The following ARHGAP36 variants were observed in gnomAD, a reference collection of about 807,000 sequenced individuals.
ARHGAP36 encodes rho GTPase-activating protein 36.
A neutral mutation model predicts 32.9 loss-of-function variants in ARHGAP36; 7 were observed. That is an observed-to-expected ratio of 0.21 (90% CI 0.12 to 0.40). The LOEUF (loss-of-function observed/expected upper bound fraction) is 0.40, where lower values mean the gene tolerates loss of function less well. Ranked by LOEUF, ARHGAP36 falls within the 10% of genes least tolerant of loss-of-function variation. The pLI is 1.00. For missense variants in ARHGAP36, 383 were observed against 442.2 expected, an observed-to-expected ratio of 0.87 and a Z score of 1.20; for synonymous variants, 165 against 168.3, an observed-to-expected ratio of 0.98 and a Z score of 0.15.
Position 131,088,988 on chromosome X carries a change from G to A in ARHGAP36, c.*203G>A, listed in dbSNP as rs1338747401. The A allele has an allele frequency of 2.6e-5, 13 of 506,706 alleles. No individual in the cohort carries two copies. The highest frequency in any genetic ancestry group is 2.9e-5 in the Non-Finnish European group (10 of 339,704). 41.8% of individuals were successfully genotyped at this position (506,706 alleles called of 1,213,427 possible). A position where few individuals can be genotyped will look rare whatever the true frequency, so the allele number is the denominator to read the frequency against. On this transcript the variant is annotated 3_prime_UTR_variant, in exon 12 of 12. Transcript: ENST00000276211. ...TGCTTGGTCTCTTCTGCTGGTAAAA[G>A]CAGAGATGTTTCTGTGTCATGCCCA... is the stretch of plus-strand genomic sequence containing the variant.
rs72142237 is a variant in ARHGAP36, at chrX:131,077,764, CATATATATATAT to C, written c.-142-3729_-142-3718del. Among the ~76,000 whole-genome samples the C allele has an allele frequency of 6.0e-3, 519 of 87,003 alleles. 13 individuals carry two copies. In the East Asian group the frequency reaches 0.092, roughly 15 times the overall value. 75.6% of individuals were successfully genotyped at this position (87,003 alleles called of 115,157 possible). A position where few individuals can be genotyped will look rare whatever the true frequency, so the allele number is the denominator to read the frequency against. On this transcript the variant is annotated intron_variant, in intron 1 of 11. Transcript: ENST00000276211. Reference sequence around the variant, plus strand: ...GCCCCTTTACTTATCCAAATAAAATCATATATATATATATATATATATATATATATATATATA... The same window carrying C: ...GCCCCTTTACTTATCCAAATAAAATCATATATATATATATATATATATATA...
intron 1 of ARHGAP36, among the ~76,000 whole-genome samples, chrX:131,069,590 G>T (rs1045198044): frequency 1.0e-3 from 117 of 111,828 alleles, no homozygotes; most frequent in Middle Eastern, 4.7e-3. Context: ...TCTGGCAGGG[G>T]GGACATGGCC....
intron 1 of ARHGAP36, among the ~76,000 whole-genome samples, chrX:131,077,294 A>T (rs2079767586): frequency 8.9e-6 from 1 of 112,226 alleles, no homozygotes; most frequent in Admixed American, 9.4e-5. Context: ...ACCCAGCCCC[A>T]TTCACTATCA....
intron 1 of ARHGAP36, among the ~76,000 whole-genome samples, chrX:131,065,349 G>C (rs1240983819): frequency 9.0e-6 from 1 of 111,662 alleles, no homozygotes; most frequent in African/African-American, 3.3e-5. Flanking sequence ...ACAGGATTTA[G>C]ATGGGTAGTC....
In ARHGAP36 at chrX:131,083,635, C is replaced by CG; in HGVS notation, c.320-96dup. The CG allele has an allele frequency of 9.4e-6, 8 of 846,567 alleles. No individual in the cohort carries two copies. The South Asian group carries it at 1.7e-4, about 18-fold the overall frequency. The allele number at this position is 846,567 out of a possible 1,213,427, so 69.8% of individuals were successfully genotyped here. The stretch of plus-strand genomic sequence containing the variant: ...GGTTCTGGAGAGGTGGGGTTGGCTG[C>CG]GGGTGGTTGCTGGGAGGAGTGCTAC... On this transcript the variant is annotated intron_variant, in intron 3 of 11. Coordinates refer to ENST00000276211, the MANE Select transcript of ARHGAP36 (RefSeq NM_144967.4).
In ARHGAP36 at chrX:131,058,490, G is replaced by T. The variant is rs2079652203; in HGVS notation, c.-143+46G>T. 8 of 985,957 alleles carry T rather than the reference G, an allele frequency of 8.1e-6. No homozygotes were observed. The South Asian group carries it at 1.8e-4, about 23-fold the overall frequency. 81.3% of individuals were successfully genotyped at this position (985,957 alleles called of 1,213,427 possible). On this transcript the variant is annotated intron_variant, in intron 1 of 11. Coordinates refer to ENST00000276211, the MANE Select transcript of ARHGAP36 (RefSeq NM_144967.4). ...CGGGGGGCTGGGGTGCTCGGCCGGG[G>T]GCGGCCGGCGGCTGCAGCCCCCTCT...
chrX:131,082,475 G>A (rs2079807421), intron 2 of ARHGAP36, among the ~76,000 whole-genome samples: 1 of 112,488 alleles, frequency 8.9e-6, no homozygotes, highest in Admixed American at 9.3e-5. Context: ...ACGCGGCGCA[G>A]GACGAGGTTC....
At chrX:131,064,110 G>GA (rs1175340068) in intron 1 of ARHGAP36, among the ~76,000 whole-genome samples, 1 of 111,639 alleles carries the variant, frequency 9.0e-6, no homozygotes, top group African/African-American at 3.3e-5. Context: ...TCTTAGCCAG[G>GA]AAATAGTCAT....
chrX:131,079,736 T>C (rs775282670), intron 1 of ARHGAP36, among the ~76,000 whole-genome samples: 1 of 111,062 alleles, frequency 9.0e-6, no homozygotes, highest in Admixed American at 9.5e-5. Flanking sequence ...AGACATTCAG[T>C]AAAGTTGTAT....
chrX:131,085,085 A>C (rs771138033), intron 7 of ARHGAP36, 21 bp downstream of exon 7: 1 of 1,198,225 alleles, frequency 8.3e-7, no homozygotes, highest in South Asian at 1.8e-5. Context: ...TGACCTCCCT[A>C]GTAGGGCAAG....
At chrX:131,080,099 A>AG (rs1227673372) in intron 1 of ARHGAP36, among the ~76,000 whole-genome samples, 1 of 111,934 alleles carries the variant, frequency 8.9e-6, no homozygotes, top group Non-Finnish European at 1.9e-5. Flanking sequence ...CTTCAGGAAA[A>AG]AGTCCGACTC....
Position 131,085,081 on chromosome X carries a change from C to G in ARHGAP36, c.955+17C>G, listed in dbSNP as rs1311252452. On this transcript the variant is annotated intron_variant, in intron 7 of 11. Transcript: ENST00000276211. ...TGACAGCAAGTGAGTCTTCTGACCT[C>G]CCTAGTAGGGCAAGGAAAGGAAATA... 2.5e-6 allele frequency: 3 copies of G among 1,198,174 alleles called. No homozygotes were observed. The highest frequency in any genetic ancestry group is 3.4e-6 in the Non-Finnish European group (3 of 890,281).
chrX:131,065,251 A>G (rs1371384321), intron 1 of ARHGAP36, among the ~76,000 whole-genome samples: 1 of 112,080 alleles, frequency 8.9e-6, no homozygotes, highest in African/African-American at 3.3e-5. Flanking sequence ...GCTTCTTCAG[A>G]GTTGAAGTTT....
At chrX:131,061,840 G>A (rs751872000) in intron 1 of ARHGAP36, among the ~76,000 whole-genome samples, 4 of 112,259 alleles carry the variant, frequency 3.6e-5, no homozygotes, top group Non-Finnish European at 5.6e-5. Flanking sequence ...CTTACCCATC[G>A]TGAGGATAAA....
chrX:131,088,998 T>C lies in ARHGAP36; in HGVS notation c.*213T>C. 2.2e-6 allele frequency: 1 copy of C among 462,703 alleles called. No homozygotes were observed. The highest frequency in any genetic ancestry group is 3.3e-6 in the Non-Finnish European group (1 of 302,536). 38.1% of individuals were successfully genotyped at this position (462,703 alleles called of 1,213,427 possible). The stretch of plus-strand genomic sequence containing the variant: ...CTTCTGCTGGTAAAAGCAGAGATGT[T>C]TCTGTGTCATGCCCAAGCTCCCCGG... On this transcript the variant is annotated 3_prime_UTR_variant, in exon 12 of 12. Transcript: ENST00000276211.
rs150725005 is a variant in ARHGAP36, at chrX:131,081,794, C to T, written c.129C>T (p.Pro43=). 8.3e-7 allele frequency: 1 copy of T among 1,210,393 alleles called. No individual in the cohort carries two copies. The highest frequency in any genetic ancestry group is 2.2e-5 in the Admixed American group (1 of 45,866). The part of the protein sequence containing the change: ...SVLGGAPGHN[P]DRRTKMVSIH... ...TGGGAGGAGCCCCAGGACACAACCCCGACCGCAGGACGAAGATGGTATCGA... is the reference window on the plus strand; with the variant it reads ...TGGGAGGAGCCCCAGGACACAACCCTGACCGCAGGACGAAGATGGTATCGA... The change falls in exon 2 of 12, where the codon CCC becomes CCT. Residue 43 remains proline, a synonymous_variant. Transcript: ENST00000276211.
chrX:131,089,695 A>T lies in ARHGAP36; in HGVS notation c.*910A>T, dbSNP rs1419223536. On this transcript the variant is annotated 3_prime_UTR_variant, in exon 12 of 12. Coordinates refer to ENST00000276211, the MANE Select transcript of ARHGAP36 (RefSeq NM_144967.4). ...CTGGTAACACACAGATATGGGTTGC[A>T]TATGATCCAGAATTACAGCTGATAT... The T allele has an allele frequency of 8.9e-6, 1 of 112,774 alleles. No individual in the cohort carries two copies. The highest frequency in any genetic ancestry group is 1.9e-5 in the Non-Finnish European group (1 of 53,339). The allele number at this position is 112,774 out of a possible 1,213,427, so 9.3% of individuals were successfully genotyped here.
intron 1 of ARHGAP36, among the ~76,000 whole-genome samples, chrX:131,078,209 C>T (rs1262296488): frequency 9.1e-6 from 1 of 110,404 alleles, no homozygotes; most frequent in Non-Finnish European, 1.9e-5. Context: ...ATTCAACTCT[C>T]AGACAACCAC....
chrX:131,064,732 T>C (rs1207501718), intron 1 of ARHGAP36, among the ~76,000 whole-genome samples: 1 of 111,043 alleles, frequency 9.0e-6, no homozygotes, highest in Non-Finnish European at 1.9e-5. Flanking sequence ...GCCTGTGGTC[T>C]TTCTCTGCCC....
Sources: gnomAD v4.1 joint callset for allele counts (sites outside exome capture counted in the v4.1 genomes callset) on GRCh38, gnomAD v4.1.1 for gene constraint, MANE v1.5 for transcripts, NCBI Gene and HGNC (gene_info 2026-07-23, HGNC 2026-07-21) for gene names.